The following RP9 variants were observed in gnomAD, a reference collection of about 807,000 sequenced individuals.
RP9 encodes the protein RP9 pre-mRNA splicing factor.
Under a neutral mutation model 32.6 loss-of-function variants are expected in RP9, and 23 were observed. The ratio of observed to expected loss-of-function variants is 0.71; its 90% confidence interval spans 0.51 to 1.00. The LOEUF (loss-of-function observed/expected upper bound fraction) is 1.00. Ranked by LOEUF, RP9 falls within the 50% of genes least tolerant of loss-of-function variation. The pLI is 0.00. For synonymous variants in RP9, 94 were observed against 103.6 expected (o/e 0.91, Z 0.56); for missense variants, 245 against 285.3 (o/e 0.86, Z 1.02).
At chr7:33,098,489 A>G (rs944515339) in intron 3 of RP9, among the ~76,000 whole-genome samples, 1 of 152,218 alleles carries the variant, frequency 6.6e-6, no homozygotes, top group African/African-American at 2.4e-5. Context: ...AAGCTGCTGC[A>G]ATAGCCACAA....
intron 1 of RP9, among the ~76,000 whole-genome samples, chr7:33,104,231 T>C (rs768268165): frequency 1.3e-5 from 2 of 152,100 alleles, no homozygotes; most frequent in South Asian, 2.1e-4. Flanking sequence ...ATGTAGTTAA[T>C]GCATTCATGA....
intron 3 of RP9, among the ~76,000 whole-genome samples, chr7:33,097,571 T>G (rs762171551): frequency 9.2e-5 from 14 of 152,220 alleles, no homozygotes; most frequent in Non-Finnish European, 1.5e-4. Flanking sequence ...AGGAATAATA[T>G]TCTATCACCA....
chr7:33,103,173 G>A (rs941830270), intron 1 of RP9, among the ~76,000 whole-genome samples: 3 of 152,210 alleles, frequency 2.0e-5, no homozygotes, highest in Non-Finnish European at 4.4e-5. Flanking sequence ...TCCTGGGGTG[G>A]AAGAAGTAAC....
chr7:33,109,129 A>G lies in RP9; in HGVS notation c.152+92T>C. ...CCCCTGCCTGCTCGCGGGGGCTCGG[A>G]GGACCCGGCCTAGCGCCCACCGCGG... On this transcript the variant is annotated intron_variant, in intron 1 of 5. Coordinates refer to ENST00000297157, the MANE Select transcript of RP9 (RefSeq NM_203288.2). The surrounding 1 kb of genome is among the most constrained non-coding windows in gnomAD (Gnocchi z 4.9). The G allele has an allele frequency of 7.0e-7, 1 of 1,422,394 alleles. No homozygotes were observed. The highest frequency in any genetic ancestry group is 1.3e-5 in the South Asian group (1 of 74,154). The allele number at this position is 1,422,394 out of a possible 1,614,324, so 88.1% of individuals were successfully genotyped here. A position where few individuals can be genotyped will look rare whatever the true frequency, so the allele number is the denominator to read the frequency against.
chr7:33,101,862 G>C (rs1270795099), intron 1 of RP9, among the ~76,000 whole-genome samples: 1 of 152,180 alleles, frequency 6.6e-6, no homozygotes, highest in Admixed American at 6.5e-5. Flanking sequence ...CACAACTTGT[G>C]AAGATGATAG....
intron 1 of RP9, among the ~76,000 whole-genome samples, chr7:33,104,986 C>G (rs1426476994): frequency 6.6e-6 from 1 of 152,118 alleles, no homozygotes. Flanking sequence ...AAAACTTTAC[C>G]TCCAATGCAC....
Position 33,099,447 on chromosome 7 carries a change from G to C in RP9, c.184-11C>G. 1 of 1,613,460 alleles carries C rather than the reference G, an allele frequency of 6.2e-7. No homozygotes were observed. Among genetic ancestry groups the C allele is most frequent in the South Asian group, 1.1e-5 (1 of 91,024 alleles). ...CTTAGTCTCATCTTCCTAAAAAAGG[G>C]AACAGGTATAAACAGCATGGCAAGA... is the stretch of plus-strand genomic sequence containing the variant. On this transcript the variant is annotated splice_polypyrimidine_tract_variant and intron_variant, in intron 2 of 5. Transcript: ENST00000297157.
intron 5 of RP9, among the ~76,000 whole-genome samples, chr7:33,095,836 TTC>T (rs1366169840): frequency 2.6e-5 from 4 of 152,302 alleles, no homozygotes; most frequent in Admixed American, 1.3e-4. Context: ...TCTAATTTTT[TTC>T]TTTTTTTTTT....
At position 33,109,012 on chromosome 7, in the gene RP9, C is replaced by T. The variant is rs1788541887; in HGVS notation, c.152+209G>A. Among the ~76,000 whole-genome samples the T allele has an allele frequency of 6.6e-6, 1 of 152,118 alleles. No individual in the cohort carries two copies. The highest frequency in any genetic ancestry group is 6.5e-5 in the Admixed American group (1 of 15,286). ...GCTTGGTGCCGAGCGGCAGTTGGCT[C>T]CCTGAACGCCCCGCCAGGAGGATGG... On this transcript the variant is annotated intron_variant, in intron 1 of 5. Coordinates refer to ENST00000297157, the MANE Select transcript of RP9 (RefSeq NM_203288.2). The surrounding 1 kb of genome is among the most constrained non-coding windows in gnomAD (Gnocchi z 4.9).
intron 2 of RP9, among the ~76,000 whole-genome samples, chr7:33,099,986 T>C (rs868780504): frequency 6.6e-6 from 1 of 152,250 alleles, no homozygotes; most frequent in Non-Finnish European, 1.5e-5. Context: ...AATAGACTCA[T>C]GTTTTTAAAG....
intron 1 of RP9, among the ~76,000 whole-genome samples, chr7:33,104,257 AG>A (rs1438824010): frequency 2.6e-5 from 4 of 152,142 alleles, no homozygotes; most frequent in African/African-American, 9.7e-5. Context: ...CAAGAAAAAA[AG>A]AGTCAACTGC....
intron 1 of RP9, chr7:33,100,805 A>G (rs1422430603): frequency 1.5e-6 from 1 of 656,098 alleles, no homozygotes; most frequent in South Asian, 1.5e-5. Context: ...CTGAACCCAG[A>G]GGAGACCCAG....
intron 2 of RP9, 73 bp downstream of exon 2, chr7:33,100,458 A>AT: frequency 8.0e-7 from 1 of 1,254,914 alleles, no homozygotes; most frequent in Non-Finnish European, 1.2e-6. Flanking sequence ...TCATGCAATT[A>AT]TTTTTCATAA....
chr7:33,109,352 G>T lies in RP9; in HGVS notation c.21C>A (p.Arg7=). 1 of 1,436,254 alleles carries T rather than the reference G, an allele frequency of 7.0e-7. No homozygotes were observed. The highest frequency in any genetic ancestry group is 1.3e-5 in the South Asian group (1 of 75,068). 89.0% of individuals were successfully genotyped at this position (1,436,254 alleles called of 1,614,324 possible). A position where few individuals can be genotyped will look rare whatever the true frequency, so the allele number is the denominator to read the frequency against. The change falls in exon 1 of 6, where the codon CGC becomes CGA. Residue 7 remains arginine (R), a synonymous_variant. Transcript: ENST00000297157. This position sits in a 1 kb window ranked among gnomAD's most constrained non-coding sequence, Gnocchi z 4.9. The part of the protein sequence containing the change: MSSRPG[R]EDVGAAGARR... ...GCGCGCCCGCAGCCCCCACGTCCTCGCGCCCAGGCCGGGACGACATGTCAG... is the reference window on the plus strand; with the variant it reads ...GCGCGCCCGCAGCCCCCACGTCCTCTCGCCCAGGCCGGGACGACATGTCAG...
rs1352115442 is a variant in RP9 at position 33,097,315 on chromosome 7, G to A, written c.361C>T (p.Pro121Ser). The change falls in exon 4 of 6, where the codon CCT (proline) becomes TCT (serine). Residue 121 changes from proline (P) to serine (S), a missense_variant. Coordinates refer to ENST00000297157, the MANE Select transcript of RP9 (RefSeq NM_203288.2). ...TTTTGGTTGCCTTTGATAAAGAAAGGGCATTCTTTGTCACCCGTTCGGTGA... is the reference window on the plus strand; with the variant it reads ...TTTTGGTTGCCTTTGATAAAGAAAGAGCATTCTTTGTCACCCGTTCGGTGA... Reference protein sequence around the residue: ...YGHRTGDKECPFFIKGNQKLE... With the variant: ...YGHRTGDKECSFFIKGNQKLE... The A allele has an allele frequency of 6.2e-7, 1 of 1,613,954 alleles. No individual in the cohort carries two copies. Among genetic ancestry groups the A allele is most frequent in the Admixed American group, 1.7e-5 (1 of 60,014 alleles).
intron 3 of RP9, among the ~76,000 whole-genome samples, chr7:33,098,862 C>A (rs1051350573): frequency 1.3e-5 from 2 of 152,060 alleles, no homozygotes; most frequent in Non-Finnish European, 2.9e-5. Flanking sequence ...ATTTGTTACA[C>A]CATAAGGAGA....
At chr7:33,097,143 C>A in intron 4 of RP9, 128 bp downstream of exon 4, 1 of 733,210 alleles carries the variant, frequency 1.4e-6, no homozygotes, top group South Asian at 1.4e-5. Context: ...GTTAACAGCA[C>A]ACACTTTGGT....
chr7:33,102,500 A>C (rs1256289733), intron 1 of RP9, among the ~76,000 whole-genome samples: 1 of 152,192 alleles, frequency 6.6e-6, no homozygotes, highest in Non-Finnish European at 1.5e-5. Flanking sequence ...AAGATAAAAA[A>C]AAGTTGATTG....
rs557275047 is a variant in RP9, at chr7:33,099,187, G to A, written c.313+120C>T. On this transcript the variant is annotated intron_variant, in intron 3 of 5. Transcript: ENST00000297157. ...TGGATGCTTCCTTATCTAGAAGATGGAGAACGTGCCTTGGCTGTAAGAGGG... is the reference window on the plus strand; with the variant it reads ...TGGATGCTTCCTTATCTAGAAGATGAAGAACGTGCCTTGGCTGTAAGAGGG... The A allele has an allele frequency of 6.8e-6, 8 of 1,170,264 alleles. No homozygotes were observed. The East Asian group carries it at 1.4e-4, about 21-fold the overall frequency. The allele number at this position is 1,170,264 out of a possible 1,614,324, so 72.5% of individuals were successfully genotyped here.
Sources: allele counts gnomAD v4.1 joint callset (sites outside exome capture counted in the v4.1 genomes callset), GRCh38; gene constraint gnomAD v4.1.1; non-coding constraint Gnocchi (gnomAD v3.1); transcripts MANE v1.5; gene names NCBI Gene and HGNC (gene_info 2026-07-23, HGNC 2026-07-21).